Variants in ARHGAP26 observed in about 807,000 individuals in gnomAD.
ARHGAP26 encodes the protein Rho GTPase activating protein 26, also known as rho GTPase-activating protein 26.
A neutral mutation model predicts 104.8 loss-of-function variants in ARHGAP26; 38 were observed. That is an observed-to-expected ratio of 0.36 (90% confidence interval 0.28 to 0.48). The LOEUF (loss-of-function observed/expected upper bound fraction) is 0.48, where lower values mean the gene tolerates loss of function less well. ARHGAP26 is among the 20% of genes least tolerant of loss of function. The pLI is 0.99. For synonymous variants in ARHGAP26, 341 were observed against 340.0 expected (o/e 1.00, Z -0.03); for missense variants, 704 against 947.9 (o/e 0.74, Z 3.38).
intron 9 of ARHGAP26, among the ~76,000 whole-genome samples, chr5:142,910,635 A>G (rs1243244416): frequency 1.3e-5 from 2 of 152,198 alleles, no homozygotes; most frequent in East Asian, 1.9e-4. Flanking sequence ...GCTATTTGGG[A>G]GGCTGAGGCA....
At chr5:143,086,786 G>A (rs1467860836) in intron 17 of ARHGAP26, among the ~76,000 whole-genome samples, 1 of 152,144 alleles carries the variant, frequency 6.6e-6, no homozygotes, top group Admixed American at 6.5e-5. Flanking sequence ...TCTCGCTCAG[G>A]GGTCTTATTA....
chr5:142,998,358 A>G (rs1290110607), intron 11 of ARHGAP26, among the ~76,000 whole-genome samples: 3 of 152,184 alleles, frequency 2.0e-5, no homozygotes, highest in Admixed American at 6.5e-5. Flanking sequence ...GCACGATAGG[A>G]AAGGACCCAG....
intron 11 of ARHGAP26, among the ~76,000 whole-genome samples, chr5:142,940,571 T>A (rs1766107106): frequency 1.3e-5 from 2 of 152,214 alleles, no homozygotes; most frequent in South Asian, 4.1e-4. Context: ...TGTTCCTGTG[T>A]TAGTTTGCTA....
intron 1 of ARHGAP26, among the ~76,000 whole-genome samples, chr5:142,845,363 T>C (rs10057627): frequency 6.6e-6 from 1 of 151,980 alleles, no homozygotes; most frequent in African/African-American, 2.4e-5. Flanking sequence ...GGAAGCTGAG[T>C]CTCAGAGCAG....
At chr5:143,216,083 C>G (rs1429920798) in intron 22 of ARHGAP26, 2 of 432,638 alleles carry the variant, frequency 4.6e-6, no homozygotes, top group African/African-American at 2.1e-5. Flanking sequence ...TACCTTCTTT[C>G]ATTTTTAAGT....
At chr5:143,197,731 A>G (rs17100142) in intron 20 of ARHGAP26, among the ~76,000 whole-genome samples, 45,128 of 152,056 alleles carry the variant, frequency 0.3, 10,106 homozygotes, top group African/African-American at 0.63. Context: ...AGTTTCTGGA[A>G]TTATTTCTTC....
At chr5:143,142,101 A>G (rs73796897) in intron 19 of ARHGAP26, among the ~76,000 whole-genome samples, 2,653 of 146,978 alleles carry the variant, frequency 0.018, 69 homozygotes, top group African/African-American at 0.062. Flanking sequence ...TTCATGTACT[A>G]TGATCAAAAC....
chr5:143,098,701 A>C (rs1792777369), intron 17 of ARHGAP26, among the ~76,000 whole-genome samples: 1 of 152,188 alleles, frequency 6.6e-6, no homozygotes, highest in African/African-American at 2.4e-5. Flanking sequence ...CTAGGTGACA[A>C]CCTTGCTAAG....
At position 142,993,238 on chromosome 5, in the gene ARHGAP26, C is replaced by T. The variant is rs553851571; in HGVS notation, c.1108-20842C>T. On this transcript the variant is annotated intron_variant, in intron 11 of 22. Transcript: ENST00000645722. Reference sequence around the variant, plus strand: ...ACTGCGGACTGCAGTGGCGCAATCTCGGCTCACTGCAAGCTCCGCTTCCCG... The same window carrying T: ...ACTGCGGACTGCAGTGGCGCAATCTTGGCTCACTGCAAGCTCCGCTTCCCG... Among the ~76,000 whole-genome samples, 46 of 148,618 alleles carry T rather than the reference C, an allele frequency of 3.1e-4. No individual in the cohort carries two copies. In the Middle Eastern group the frequency reaches 0.01, roughly 34 times the overall value.
At chr5:142,905,056 A>G (rs1171651293) in intron 8 of ARHGAP26, among the ~76,000 whole-genome samples, 1 of 152,186 alleles carries the variant, frequency 6.6e-6, no homozygotes, top group African/African-American at 2.4e-5. Flanking sequence ...TTTATAAGAA[A>G]TGTAGCTACT....
At chr5:142,924,609 C>G (rs1392551127) in intron 10 of ARHGAP26, among the ~76,000 whole-genome samples, 3 of 152,234 alleles carry the variant, frequency 2.0e-5, no homozygotes, top group Non-Finnish European at 1.5e-5. Context: ...GCAGCATCTT[C>G]TGGTTTCTTA....
At chr5:143,062,615 G>T (rs1403353524) in intron 17 of ARHGAP26, among the ~76,000 whole-genome samples, 1 of 144,080 alleles carries the variant, frequency 6.9e-6, no homozygotes, top group Non-Finnish European at 1.5e-5. Context: ...TTTCTTTAAT[G>T]ATCTAGAAAC....
At chr5:142,962,559 C>G (rs1006065822) in intron 11 of ARHGAP26, among the ~76,000 whole-genome samples, 2 of 152,164 alleles carry the variant, frequency 1.3e-5, no homozygotes, top group African/African-American at 4.8e-5. Context: ...CAGAAATCCA[C>G]AAGAATTTTC....
At chr5:142,916,183 T>G (rs1424097232) in intron 10 of ARHGAP26, among the ~76,000 whole-genome samples, 1 of 152,280 alleles carries the variant, frequency 6.6e-6, no homozygotes, top group Non-Finnish European at 1.5e-5. Flanking sequence ...TGTTTTATTC[T>G]ATCAAGATAC....
intron 22 of ARHGAP26, among the ~76,000 whole-genome samples, chr5:143,219,448 T>A (rs1338067448): frequency 6.6e-6 from 1 of 152,116 alleles, no homozygotes; most frequent in Non-Finnish European, 1.5e-5. Flanking sequence ...AAAAACTAGA[T>A]AGAGAAGCAA....
intron 22 of ARHGAP26, among the ~76,000 whole-genome samples, chr5:143,219,418 A>G (rs1810845325): frequency 6.6e-6 from 1 of 152,228 alleles, no homozygotes; most frequent in Admixed American, 6.5e-5. Context: ...AAGTGCTATA[A>G]TCCAAACCAA....
intron 17 of ARHGAP26, among the ~76,000 whole-genome samples, chr5:143,092,183 T>TTG (rs1791540118): frequency 6.7e-6 from 1 of 149,730 alleles, no homozygotes; most frequent in African/African-American, 2.4e-5. Flanking sequence ...TTTTTTTTTT[T>TTG]GAGATGGAGT....
rs371097515 is a variant in ARHGAP26 at position 143,186,458 on chromosome 5, G to A, written c.1989-20740G>A. Among the ~76,000 whole-genome samples the A allele has an allele frequency of 4.6e-5, 7 of 152,302 alleles. No homozygotes were observed. The East Asian group carries it at 1.2e-3, about 25-fold the overall frequency. ...CATCAGTATGAGTGTGGACTGGGAG[G>A]TACTGATTCTTCCCCATCTTCCCAG... On this transcript the variant is annotated intron_variant, in intron 20 of 22. Transcript: ENST00000645722.
intron 1 of ARHGAP26, among the ~76,000 whole-genome samples, chr5:142,809,748 A>C (rs908785734): frequency 6.6e-6 from 1 of 152,148 alleles, no homozygotes; most frequent in Non-Finnish European, 1.5e-5. Flanking sequence ...TCATCTGTCC[A>C]TCCATCCATC....
Sources: gnomAD v4.1 joint callset for allele counts (sites outside exome capture counted in the v4.1 genomes callset) on GRCh38, gnomAD v4.1.1 for gene constraint, MANE v1.5 for transcripts, NCBI Gene and HGNC (gene_info 2026-07-23, HGNC 2026-07-21) for gene names.